Variants in NALF1 observed in about 807,000 individuals in gnomAD.
NALF1 encodes NALCN channel auxiliary factor 1.
NALF1 carries 3 observed loss-of-function variants against 48.4 expected under a neutral mutation model. That is an observed-to-expected ratio of 0.06 (90% CI 0.03 to 0.16). The LOEUF is 0.16. Ranked by LOEUF, NALF1 falls within the 10% of genes least tolerant of loss-of-function variation. NALF1 has a pLI of 1.00. For missense variants in NALF1, 526 were observed against 571.5 expected, an observed-to-expected ratio of 0.92 and a Z score of 0.81; for synonymous variants, 262 against 245.7, an observed-to-expected ratio of 1.07 and a Z score of -0.62.
chr13:107,798,651 AAG>A (rs1878507014), intron 1 of NALF1, among the ~76,000 whole-genome samples: 1 of 152,212 alleles, frequency 6.6e-6, no homozygotes, highest in African/African-American at 2.4e-5. Context: ...AAACAACCCC[AAG>A]GAATTCAGAC....
chr13:107,841,378 CA>C (rs1880038643), intron 1 of NALF1, among the ~76,000 whole-genome samples: 1 of 151,808 alleles, frequency 6.6e-6, no homozygotes, highest in South Asian at 2.1e-4. Context: ...TGGTCAAAGA[CA>C]AAGATGATTA....
intron 1 of NALF1, among the ~76,000 whole-genome samples, chr13:107,823,213 C>T (rs191388730): frequency 2.0e-3 from 305 of 152,338 alleles, no homozygotes; most frequent in Non-Finnish European, 2.6e-3. Context: ...AGTGTGGCTG[C>T]TACTTCTCTG....
At chr13:107,177,134 A>C (rs1218382824) in intron 2 of NALF1, among the ~76,000 whole-genome samples, 1 of 152,130 alleles carries the variant, frequency 6.6e-6, no homozygotes, top group Admixed American at 6.5e-5. Flanking sequence ...ATAGCTACAA[A>C]TAAAAGAAAA....
At chr13:107,228,783 G>C (rs1880160305) in intron 1 of NALF1, among the ~76,000 whole-genome samples, 1 of 152,028 alleles carries the variant, frequency 6.6e-6, no homozygotes, top group South Asian at 2.1e-4. Context: ...ACCACACCCG[G>C]CTAATTTTTG....
At chr13:107,555,450 T>TTC (rs1877437646) in intron 1 of NALF1, among the ~76,000 whole-genome samples, 1 of 137,534 alleles carries the variant, frequency 7.3e-6, no homozygotes, top group South Asian at 2.5e-4. Context: ...TTTTTTTTTT[T>TTC]TTTTTTTTTT....
At chr13:107,479,099 T>G (rs1217197140) in intron 1 of NALF1, among the ~76,000 whole-genome samples, 1 of 152,128 alleles carries the variant, frequency 6.6e-6, no homozygotes, top group Non-Finnish European at 1.5e-5. Flanking sequence ...AGTACCAACC[T>G]TCCTTAGAAG....
At chr13:107,273,989 G>C (rs560341198) in intron 1 of NALF1, among the ~76,000 whole-genome samples, 1 of 152,132 alleles carries the variant, frequency 6.6e-6, no homozygotes, top group East Asian at 1.9e-4. Context: ...CACCACCCTA[G>C]GGACATCTGA....
chr13:107,643,070 C>T (rs181320020), intron 1 of NALF1, among the ~76,000 whole-genome samples: 66 of 152,096 alleles, frequency 4.3e-4, no homozygotes, highest in African/African-American at 1.5e-3. Flanking sequence ...CATCAGGTTT[C>T]GCAGTTCATT....
chr13:107,201,449 C>T (rs1012681076), intron 2 of NALF1, among the ~76,000 whole-genome samples: 39 of 152,202 alleles, frequency 2.6e-4, no homozygotes, highest in Non-Finnish European at 4.0e-4. Context: ...TGGTGGCGGG[C>T]GCCTGTAGTC....
intron 1 of NALF1, among the ~76,000 whole-genome samples, chr13:107,669,436 C>T (rs574687101): frequency 1.3e-5 from 2 of 152,160 alleles, no homozygotes; most frequent in South Asian, 2.1e-4. Context: ...AACGGGAACA[C>T]GTGATTGTAA....
chr13:107,736,853 C>T (rs1367463255), intron 1 of NALF1, among the ~76,000 whole-genome samples: 1 of 152,188 alleles, frequency 6.6e-6, no homozygotes, highest in African/African-American at 2.4e-5. Context: ...CCTTCTCCAA[C>T]ATTTGAAGCT....
intron 1 of NALF1, among the ~76,000 whole-genome samples, chr13:107,540,177 C>T (rs1423531883): frequency 6.6e-6 from 1 of 151,836 alleles, no homozygotes; most frequent in East Asian, 1.9e-4. Context: ...GCTCTTTATA[C>T]CTTTGATGGT....
At chr13:107,229,429 A>C (rs976299171) in intron 1 of NALF1, among the ~76,000 whole-genome samples, 1 of 152,180 alleles carries the variant, frequency 6.6e-6, no homozygotes, top group Non-Finnish European at 1.5e-5. Flanking sequence ...GGGGACGTGC[A>C]ACACCTGCAG....
chr13:107,187,191 A>G (rs774412544), intron 2 of NALF1, among the ~76,000 whole-genome samples: 1 of 152,060 alleles, frequency 6.6e-6, no homozygotes, highest in Non-Finnish European at 1.5e-5. Context: ...TTTTAAAGTC[A>G]TCTGATGAGC....
intron 1 of NALF1, among the ~76,000 whole-genome samples, chr13:107,412,036 A>T (rs1884001321): frequency 6.6e-6 from 1 of 152,164 alleles, no homozygotes; most frequent in Non-Finnish European, 1.5e-5. Flanking sequence ...TCTGATTTGC[A>T]CTTTATGAAC....
intron 1 of NALF1, among the ~76,000 whole-genome samples, chr13:107,688,954 G>A (rs1881504883): frequency 6.6e-6 from 1 of 152,230 alleles, no homozygotes; most frequent in South Asian, 2.1e-4. Flanking sequence ...ATGGTGATGA[G>A]AAGCAGGAGG....
At chr13:107,610,919 G>A (rs988683728) in intron 1 of NALF1, among the ~76,000 whole-genome samples, 5 of 152,158 alleles carry the variant, frequency 3.3e-5, no homozygotes, top group Non-Finnish European at 7.3e-5. Flanking sequence ...ACTGTGTGGA[G>A]GAGGTAGGTG....
At chr13:107,838,629 A>G (rs1879967943) in intron 1 of NALF1, among the ~76,000 whole-genome samples, 1 of 152,110 alleles carries the variant, frequency 6.6e-6, no homozygotes, top group African/African-American at 2.4e-5. Context: ...CAATGGTGAT[A>G]GCAAGAGTTG....
chr13:107,731,909 TC>T (rs1464559028), intron 1 of NALF1, among the ~76,000 whole-genome samples: 1 of 152,178 alleles, frequency 6.6e-6, no homozygotes. Context: ...CTCTGCTGCT[TC>T]CTTTGTCCTA....
Sources: gnomAD v4.1 joint callset for allele counts (sites outside exome capture counted in the v4.1 genomes callset) on GRCh38, gnomAD v4.1.1 for gene constraint, MANE v1.5 for transcripts, NCBI Gene and HGNC (gene_info 2026-07-23, HGNC 2026-07-21) for gene names.